The following CLNK variants were observed in gnomAD, a reference collection of about 807,000 sequenced individuals.
The protein encoded by CLNK is cytokine dependent hematopoietic cell linker.
In CLNK, 74 loss-of-function variants were observed where a neutral mutation model predicts 68.6. The ratio of observed to expected loss-of-function variants is 1.08; its 90% CI spans 0.89 to 1.31. CLNK has a LOEUF of 1.31. CLNK is among the 50% of genes most tolerant of loss of function. The probability of loss-of-function intolerance (pLI) is 0.00; values close to 1 mark genes in which losing one functional copy is unlikely to be tolerated. For synonymous variants in CLNK, 198 were observed against 172.2 expected, an observed-to-expected ratio of 1.15 and a Z score of -1.17; for missense variants, 553 against 515.3, an observed-to-expected ratio of 1.07 and a Z score of -0.71.
In CLNK at chr4:10,579,953, C is replaced by T. The variant is rs140752321; in HGVS notation, c.112+4974G>A. Among the ~76,000 whole-genome samples the T allele has an allele frequency of 1.8e-4, 28 of 152,354 alleles. No homozygotes were observed. In the East Asian group the frequency reaches 5.0e-3, roughly 27 times the overall value. ...CAGGCACCACCTCCTCCAGCCTCCT[C>T]CTATAAGCAACCACTTTTCTGCCAC... On this transcript the variant is annotated intron_variant, in intron 4 of 18. Coordinates refer to ENST00000226951, the MANE Select transcript of CLNK (RefSeq NM_052964.4).
intron 5 of CLNK, among the ~76,000 whole-genome samples, chr4:10,568,491 G>A (rs188516719): frequency 2.6e-5 from 4 of 152,262 alleles, no homozygotes; most frequent in Admixed American, 6.5e-5. Context: ...CATAAAATGC[G>A]TAAATTGAAT....
intron 18 of CLNK, among the ~76,000 whole-genome samples, chr4:10,492,577 G>T (rs926923596): frequency 2.0e-5 from 3 of 152,176 alleles, no homozygotes; most frequent in African/African-American, 7.2e-5. Context: ...TCACCAGGTC[G>T]CTCAGAGGCT....
At chr4:10,603,186 A>G (rs1577160147) in intron 2 of CLNK, among the ~76,000 whole-genome samples, 1 of 152,242 alleles carries the variant, frequency 6.6e-6, no homozygotes, top group African/African-American at 2.4e-5. Flanking sequence ...CTATACACTC[A>G]GAGTGAGCTT....
chr4:10,684,246 A>G (rs1000310942), intron 1 of CLNK, among the ~76,000 whole-genome samples: 3 of 152,190 alleles, frequency 2.0e-5, no homozygotes, highest in Admixed American at 6.5e-5. Context: ...TGTTAAAAAT[A>G]TATTTCCACA....
chr4:10,580,200 T>C (rs1720727133), intron 4 of CLNK, among the ~76,000 whole-genome samples: 2 of 152,062 alleles, frequency 1.3e-5, no homozygotes, highest in Admixed American at 6.6e-5. Flanking sequence ...CATTATAACA[T>C]CATAGCACAA....
intron 2 of CLNK, among the ~76,000 whole-genome samples, chr4:10,636,776 A>G (rs1723110470): frequency 6.6e-6 from 1 of 152,170 alleles, no homozygotes; most frequent in Non-Finnish European, 1.5e-5. Flanking sequence ...GGAAGGATGG[A>G]GGTTGCCTTC....
At chr4:10,676,894 A>G (rs1471916518) in intron 1 of CLNK, among the ~76,000 whole-genome samples, 1 of 151,066 alleles carries the variant, frequency 6.6e-6, no homozygotes, top group Non-Finnish European at 1.5e-5. Context: ...GTAAAGTGAG[A>G]TTGTAGAAAA....
intron 2 of CLNK, among the ~76,000 whole-genome samples, chr4:10,654,666 A>G (rs1723891469): frequency 6.6e-6 from 1 of 151,890 alleles, no homozygotes; most frequent in Non-Finnish European, 1.5e-5. Context: ...ATAAAAGAAT[A>G]AACAGATTAT....
chr4:10,700,401 A>T, the CLNK span, among the ~76,000 whole-genome samples: 1 of 152,194 alleles, frequency 6.6e-6, no homozygotes, highest in Non-Finnish European at 1.5e-5. Context: ...ATCCAGGCTG[A>T]CTTTACAGAG....
At chr4:10,725,819 A>T in the CLNK span, among the ~76,000 whole-genome samples, 1 of 151,554 alleles carries the variant, frequency 6.6e-6, no homozygotes, top group Non-Finnish European at 1.5e-5. Context: ...GCGCCACTGC[A>T]CTCCAGCCTG....
the CLNK span, among the ~76,000 whole-genome samples, chr4:10,696,481 C>T: frequency 6.6e-6 from 1 of 152,186 alleles, no homozygotes; most frequent in Non-Finnish European, 1.5e-5. Flanking sequence ...ATGCACCAAC[C>T]ACACGGCAGT....
intron 4 of CLNK, among the ~76,000 whole-genome samples, chr4:10,579,074 C>T (rs147260307): frequency 7.3e-4 from 111 of 152,320 alleles, no homozygotes; most frequent in African/African-American, 2.3e-3. Context: ...CAGCCCCATG[C>T]ACTTTCTTTC....
chr4:10,670,794 T>C (rs962448584), intron 1 of CLNK, among the ~76,000 whole-genome samples: 1 of 152,242 alleles, frequency 6.6e-6, no homozygotes, highest in African/African-American at 2.4e-5. Flanking sequence ...TTATATTTTA[T>C]TGTCTTCTCC....
At chr4:10,606,970 C>T (rs1266598387) in intron 2 of CLNK, among the ~76,000 whole-genome samples, 1 of 152,166 alleles carries the variant, frequency 6.6e-6, no homozygotes, top group East Asian at 1.9e-4. Context: ...ATTTAATCGT[C>T]ACAACTTCTT....
chr4:10,534,243 A>G (rs1027458557), intron 11 of CLNK, among the ~76,000 whole-genome samples: 3 of 152,182 alleles, frequency 2.0e-5, no homozygotes, highest in Non-Finnish European at 4.4e-5. Context: ...TGAGAACCCA[A>G]GTGATTGTAA....
chr4:10,587,475 G>A (rs1193039473), intron 3 of CLNK, among the ~76,000 whole-genome samples: 1 of 152,184 alleles, frequency 6.6e-6, no homozygotes. Context: ...GGCACTCAAC[G>A]TGCGTCACAG....
intron 8 of CLNK, among the ~76,000 whole-genome samples, chr4:10,542,654 G>A (rs896914018): frequency 2.3e-4 from 33 of 144,830 alleles, no homozygotes; most frequent in African/African-American, 7.2e-4. Context: ...GTGTGTGTGT[G>A]TATGTGTGTG....
At chr4:10,729,522 G>A in the CLNK span, among the ~76,000 whole-genome samples, 2 of 151,972 alleles carry the variant, frequency 1.3e-5, no homozygotes, top group Admixed American at 6.6e-5. Context: ...GTCCATCAAG[G>A]GATAAATAAA....
chr4:10,561,458 T>TA (rs1719885852), intron 7 of CLNK, among the ~76,000 whole-genome samples: 1 of 152,188 alleles, frequency 6.6e-6, no homozygotes, highest in African/African-American at 2.4e-5. Context: ...AGTTGTTTTT[T>TA]AAAAAATCAA....
Sources: gnomAD v4.1 joint callset for allele counts (sites outside exome capture counted in the v4.1 genomes callset) on GRCh38, gnomAD v4.1.1 for gene constraint, MANE v1.5 for transcripts, NCBI Gene and HGNC (gene_info 2026-07-23, HGNC 2026-07-21) for gene names.